PRKCB: variants seen among roughly 807,000 people sequenced by gnomAD.
PRKCB encodes the protein protein kinase C beta type.
PRKCB carries 13 observed loss-of-function variants against 81.5 expected under a neutral mutation model. The ratio of observed to expected loss-of-function variants is 0.16; its 90% CI spans 0.10 to 0.25. The LOEUF (loss-of-function observed/expected upper bound fraction) is 0.25, where lower values mean the gene tolerates loss of function less well. Among genes scored for constraint, PRKCB ranks in the 10% least tolerant of loss-of-function variants. PRKCB has a pLI of 1.00. For synonymous variants in PRKCB, 335 were observed against 321.4 expected (o/e 1.04, Z -0.45); for missense variants, 509 against 875.7 (o/e 0.58, Z 5.29).
At chr16:23,933,846 A>G (rs1266725474) in intron 2 of PRKCB, among the ~76,000 whole-genome samples, 3 of 55,226 alleles carry the variant, frequency 5.4e-5, no homozygotes, top group Non-Finnish European at 9.2e-5. Context: ...TTTTCTATTC[A>G]TCCATCCATC....
chr16:24,022,582 C>T (rs1965419062), intron 3 of PRKCB, among the ~76,000 whole-genome samples: 1 of 152,140 alleles, frequency 6.6e-6, no homozygotes, highest in Non-Finnish European at 1.5e-5. Flanking sequence ...AGCTCCGCCT[C>T]CCGGGTTCAT....
At chr16:24,156,660 G>T (rs184493641) in intron 10 of PRKCB, among the ~76,000 whole-genome samples, 1 of 152,332 alleles carries the variant, frequency 6.6e-6, no homozygotes, top group African/African-American at 2.4e-5. Context: ...TTTACATCAT[G>T]CAATGGAGAC....
At position 24,153,163 on chromosome 16, in the gene PRKCB, A is replaced by G. The variant is rs140217432; in HGVS notation, c.1066-1521A>G. On this transcript the variant is annotated intron_variant, in intron 9 of 16. Transcript: ENST00000643927. Reference sequence around the variant, plus strand: ...GCCTTCCTGCTGCTAAGCTTATTCTATATGTCACCCCTTCTAGCCTGAGTC... The same window carrying G: ...GCCTTCCTGCTGCTAAGCTTATTCTGTATGTCACCCCTTCTAGCCTGAGTC... Among the ~76,000 whole-genome samples, 978 of 152,154 alleles carry G rather than the reference A, an allele frequency of 6.4e-3. 12 individuals are homozygous for G. Among genetic ancestry groups the G allele is most frequent in the African/African-American group, 0.022 (898 of 41,524 alleles).
At chr16:24,138,885 C>G (rs1596565157) in intron 9 of PRKCB, among the ~76,000 whole-genome samples, 1 of 122,608 alleles carries the variant, frequency 8.2e-6, no homozygotes, top group Non-Finnish European at 1.6e-5. Context: ...CACAGTCTTG[C>G]TCTGTCTCCC....
chr16:24,207,167 C>T (rs781291796), intron 16 of PRKCB, among the ~76,000 whole-genome samples: 1 of 152,140 alleles, frequency 6.6e-6, no homozygotes, highest in East Asian at 1.9e-4. Context: ...TAGCCTCAAG[C>T]GATCCTCCTG....
At chr16:24,193,484 TAAATAA>T (rs1967830485) in intron 16 of PRKCB, among the ~76,000 whole-genome samples, 1 of 150,154 alleles carries the variant, frequency 6.7e-6, no homozygotes, top group African/African-American at 2.4e-5. Flanking sequence ...AATAAATAAA[TAAATAA>T]ATAAATAAAT....
intron 7 of PRKCB, among the ~76,000 whole-genome samples, chr16:24,110,152 A>T (rs1448115550): frequency 1.1e-5 from 1 of 93,542 alleles, no homozygotes; most frequent in African/African-American, 5.4e-5. Flanking sequence ...GAGGGAGAGG[A>T]GGGAGAGGAG....
At chr16:24,196,282 A>G (rs1408880277) in intron 16 of PRKCB, among the ~76,000 whole-genome samples, 1 of 152,224 alleles carries the variant, frequency 6.6e-6, no homozygotes. Context: ...TGTGGAACAT[A>G]AAGGAGTCTT....
intron 16 of PRKCB, among the ~76,000 whole-genome samples, chr16:24,204,351 C>T (rs150561813): frequency 1.5e-4 from 23 of 152,164 alleles, no homozygotes; most frequent in Non-Finnish European, 2.9e-4. Flanking sequence ...ATGGAAAGCC[C>T]ATGGGCTTTG....
intron 8 of PRKCB, among the ~76,000 whole-genome samples, chr16:24,118,543 A>G (rs1966761852): frequency 6.6e-6 from 1 of 152,102 alleles, no homozygotes. Context: ...GTGGCAGAGG[A>G]ATCTGCAGTT....
intron 10 of PRKCB, among the ~76,000 whole-genome samples, chr16:24,165,435 C>T (rs371324762): frequency 2.0e-5 from 3 of 152,208 alleles, no homozygotes; most frequent in African/African-American, 4.8e-5. Flanking sequence ...CCTTATTCAT[C>T]GTTTTCATCC....
intron 16 of PRKCB, among the ~76,000 whole-genome samples, chr16:24,194,379 ATTTCTTTT>A (rs1486513555): frequency 3.9e-5 from 6 of 152,206 alleles, no homozygotes; most frequent in African/African-American, 1.2e-4. Flanking sequence ...AAACCTCACA[ATTTCTTTT>A]ATATATCAGA....
At chr16:24,122,537 G>A (rs1334276764) in intron 8 of PRKCB, among the ~76,000 whole-genome samples, 1 of 146,234 alleles carries the variant, frequency 6.8e-6, no homozygotes, top group Non-Finnish European at 1.5e-5. Flanking sequence ...ATAGCTCACA[G>A]CAGCCTCTAA....
In PRKCB at chr16:24,218,830, G is replaced by T. The variant is rs904581990; in HGVS notation, c.*4014G>T. 10 of 985,440 alleles carry T rather than the reference G, an allele frequency of 1.0e-5. No homozygotes were observed. The highest frequency in any genetic ancestry group is 1.2e-5 in the Non-Finnish European group (10 of 829,948). The allele number at this position is 985,440 out of a possible 1,614,324, so 61.0% of individuals were successfully genotyped here. A position where few individuals can be genotyped will look rare whatever the true frequency, so the allele number is the denominator to read the frequency against. On this transcript the variant is annotated 3_prime_UTR_variant, in exon 17 of 17. Coordinates refer to ENST00000643927, the MANE Select transcript of PRKCB (RefSeq NM_002738.7). ...AGGGAATACAAGGCCTTCTTCCCTG[G>T]TTGTCTTGTAATAAAACAGCCATGG...
intron 9 of PRKCB, among the ~76,000 whole-genome samples, chr16:24,136,331 C>T (rs1017599126): frequency 3.9e-5 from 6 of 152,126 alleles, no homozygotes; most frequent in African/African-American, 1.4e-4. Context: ...TACAACCTTC[C>T]ATCTGCTGCA....
rs553511915 is a variant in PRKCB at position 24,011,690 on chromosome 16, A to T, written c.289-20446A>T. On this transcript the variant is annotated intron_variant, in intron 3 of 16. Transcript: ENST00000643927. ...CACCACCACACCTGGCTAATTTTAA[A>T]TTTTTTTGTAGAGATGGGGTCTTGC... is the stretch of plus-strand genomic sequence containing the variant. Among the ~76,000 whole-genome samples the T allele has an allele frequency of 2.0e-4, 30 of 151,858 alleles. 1 individual carries two copies. In the South Asian group the frequency reaches 6.2e-3, roughly 32 times the overall value.
At chr16:24,096,768 T>G (rs1966451020) in intron 7 of PRKCB, among the ~76,000 whole-genome samples, 1 of 147,528 alleles carries the variant, frequency 6.8e-6, no homozygotes, top group South Asian at 2.2e-4. Context: ...CACAGTTAAC[T>G]GAGTCAAGGA....
intron 7 of PRKCB, among the ~76,000 whole-genome samples, chr16:24,101,964 G>A (rs1373427929): frequency 1.3e-5 from 2 of 152,218 alleles, no homozygotes; most frequent in Non-Finnish European, 2.9e-5. Flanking sequence ...TCAGCAGTGT[G>A]TTAGGGATAC....
intron 2 of PRKCB, among the ~76,000 whole-genome samples, chr16:23,959,950 C>T (rs1964402467): frequency 6.6e-6 from 1 of 152,178 alleles, no homozygotes; most frequent in African/African-American, 2.4e-5. Context: ...GTCCCCTCAC[C>T]CTTCCATTTC....
Sources: allele counts gnomAD v4.1 joint callset (sites outside exome capture counted in the v4.1 genomes callset), GRCh38; gene constraint gnomAD v4.1.1; transcripts MANE v1.5; gene names NCBI Gene and HGNC (gene_info 2026-07-23, HGNC 2026-07-21).